Variants in RGPD3 observed in about 807,000 individuals in gnomAD.
RGPD3 encodes the protein ranBP2-like and GRIP domain-containing protein 3.
A neutral mutation model predicts 154.5 loss-of-function variants in RGPD3; 62 were observed. The observed-to-expected ratio is 0.40, with a 90% CI of 0.33 to 0.50. The LOEUF is 0.50. RGPD3 is among the 20% of genes least tolerant of loss of function. The pLI is 0.59. For synonymous variants in RGPD3, 308 were observed against 607.0 expected, an observed-to-expected ratio of 0.51 and a Z score of 7.24; for missense variants, 919 against 1,716.8, an observed-to-expected ratio of 0.54 and a Z score of 8.21.
chr2:106,465,532 T>G (rs1290740355), intron 1 of RGPD3, among the ~76,000 whole-genome samples: 1 of 145,354 alleles, frequency 6.9e-6, no homozygotes, highest in Non-Finnish European at 1.5e-5. Context: ...AGGTCCCCAC[T>G]AAGAATCTCA....
chr2:106,466,804 C>G (rs75658450), intron 1 of RGPD3, among the ~76,000 whole-genome samples: 3 of 85,202 alleles, frequency 3.5e-5, no homozygotes, highest in African/African-American at 1.2e-4. Flanking sequence ...AGGGCCGGGT[C>G]GAGGCCGCCG....
At chr2:106,419,155 CTGATTACTTCCTTTGT>C (rs1383920328) in intron 20 of RGPD3, among the ~76,000 whole-genome samples, 3 of 119,388 alleles carry the variant, frequency 2.5e-5, no homozygotes, top group Non-Finnish European at 3.5e-5. Flanking sequence ...TTTGCCCTGG[CTGATTACTTCCTTTGT>C]TGATTCTTTG....
intron 22 of RGPD3, among the ~76,000 whole-genome samples, chr2:106,409,185 C>T (rs1381672965): frequency 2.0e-5 from 3 of 152,076 alleles, no homozygotes; most frequent in African/African-American, 7.2e-5. Context: ...TCCTTCAGTG[C>T]CAGGAAGAGT....
chr2:106,463,991 A>C (rs2104522277), intron 1 of RGPD3, among the ~76,000 whole-genome samples: 1 of 152,310 alleles, frequency 6.6e-6, no homozygotes, highest in East Asian at 1.9e-4. Context: ...TACTGAAAGA[A>C]TGAGGGGCAA....
intron 20 of RGPD3, among the ~76,000 whole-genome samples, chr2:106,421,967 A>C (rs1677004318): frequency 6.6e-6 from 1 of 151,138 alleles, no homozygotes; most frequent in South Asian, 2.1e-4. Context: ...TGCATGTTGT[A>C]GTGGTAAGTA....
In RGPD3 at chr2:106,403,571, A is replaced by G. The variant is rs1359275850; in HGVS notation, c.*1648T>C. 1.3e-5 allele frequency among the ~76,000 whole-genome samples: 2 copies of G among 152,282 alleles called. No individual in the cohort carries two copies. The highest frequency in any genetic ancestry group is 2.9e-5 in the Non-Finnish European group (2 of 68,056). ...ACTATATTTCAAAACAAGTTTATAC[A>G]GACTTCAAAAGGTCTCAAGTCAAAG... On this transcript the variant is annotated 3_prime_UTR_variant, in exon 23 of 23. Transcript: ENST00000409886.
chr2:106,441,756 C>T (rs1292270950), intron 7 of RGPD3, among the ~76,000 whole-genome samples: 45 of 145,656 alleles, frequency 3.1e-4, no homozygotes, highest in South Asian at 1.1e-3. Context: ...TCCAGCTACA[C>T]GGGAGGCTGA....
chr2:106,447,881 G>A, intron 6 of RGPD3, among the ~76,000 whole-genome samples: 1 of 151,878 alleles, frequency 6.6e-6, no homozygotes, highest in South Asian at 2.1e-4. Context: ...ATAAATATAA[G>A]ATCAGTGATT....
rs557271933 is a variant in RGPD3, at chr2:106,463,411, G to A, written c.73-4079C>T. Among the ~76,000 whole-genome samples the A allele has an allele frequency of 2.9e-3, 445 of 152,042 alleles. 1 individual carries two copies. Among genetic ancestry groups the A allele is most frequent in the South Asian group, 0.019 (92 of 4,796 alleles). On this transcript the variant is annotated intron_variant, in intron 1 of 22. Coordinates refer to ENST00000409886, the MANE Select transcript of RGPD3 (RefSeq NM_001144013.2). ...AATCACTTGAACCCGGGAGGCGGAG[G>A]TTGTGGTGAGCTGAGACCATGCCAC... is the stretch of plus-strand genomic sequence containing the variant.
chr2:106,430,230 C>A (rs1017173870), intron 17 of RGPD3, among the ~76,000 whole-genome samples: 4 of 151,498 alleles, frequency 2.6e-5, no homozygotes, highest in Non-Finnish European at 4.4e-5. Context: ...GTTCTAGGTA[C>A]CTGGTGCTGA....
At chr2:106,468,580 C>G (rs373122878), upstream of RGPD3, among the ~76,000 whole-genome samples, 1 of 151,966 alleles carries the variant, frequency 6.6e-6, no homozygotes. Context: ...CTGAGGCGGG[C>G]GGATCACTTG....
In RGPD3 at chr2:106,404,066, A is replaced by G. The variant is rs1185970403; in HGVS notation, c.*1153T>C. ...GTAACACTACCACCTAAGGTTATTCAGAGGAACTGTGAAGATGTAGCACGG... is the reference window on the plus strand; with the variant it reads ...GTAACACTACCACCTAAGGTTATTCGGAGGAACTGTGAAGATGTAGCACGG... On this transcript the variant is annotated 3_prime_UTR_variant, in exon 23 of 23. Transcript: ENST00000409886. 6.5e-3 allele frequency among the ~76,000 whole-genome samples: 979 copies of G among 151,564 alleles called. 4 individuals carry two copies. The highest frequency in any genetic ancestry group is 0.021 in the African/African-American group (858 of 40,894).
chr2:106,425,179 G>C lies in RGPD3; in HGVS notation c.2788C>G (p.Pro930Ala), dbSNP rs1210442424. ...TCACTTTTCTTTTCTTGATTTCCTG[G>C]TTCCGAAATGCCAAATTTAAATCCA... ...ADGFKFGISE[P>A]GNQEKKSEKP... Residue 930 changes from proline to alanine, a missense_variant, in exon 20 of 23, where the codon CCA becomes GCA. Coordinates refer to ENST00000409886, the MANE Select transcript of RGPD3 (RefSeq NM_001144013.2). 3.1e-6 allele frequency: 5 copies of C among 1,611,402 alleles called. No homozygotes were observed. In the African/African-American group the frequency reaches 5.4e-5, roughly 17 times the overall value.
intron 17 of RGPD3, among the ~76,000 whole-genome samples, chr2:106,430,298 C>G (rs985539586): frequency 6.6e-6 from 1 of 150,540 alleles, no homozygotes; most frequent in South Asian, 2.2e-4. Context: ...TTCGTTAATA[C>G]AAAACTTAAT....
At chr2:106,448,277 T>A (rs1306339124) in intron 6 of RGPD3, among the ~76,000 whole-genome samples, 2 of 152,154 alleles carry the variant, frequency 1.3e-5, no homozygotes, top group Non-Finnish European at 2.9e-5. Flanking sequence ...CCCGCTAAAC[T>A]TTTTTTATAT....
chr2:106,438,411 C>T (rs1677641311), intron 9 of RGPD3, among the ~76,000 whole-genome samples: 2 of 150,556 alleles, frequency 1.3e-5, no homozygotes, highest in African/African-American at 2.4e-5. Context: ...TCCCTTGAGC[C>T]CAGAAGTTCA....
intron 11 of RGPD3, 77 bp from the exon 12 acceptor site, chr2:106,436,323 T>C: frequency 6.2e-7 from 1 of 1,610,680 alleles, no homozygotes; most frequent in Non-Finnish European, 8.5e-7. Flanking sequence ...TGTTAATGGG[T>C]CACATGACAA....
chr2:106,461,915 C>T (rs1197779746), intron 1 of RGPD3, among the ~76,000 whole-genome samples: 1 of 152,030 alleles, frequency 6.6e-6, no homozygotes, highest in Admixed American at 6.6e-5. Flanking sequence ...CTTGTTCCCC[C>T]CTTCCTTTTT....
chr2:106,443,685 C>CTT lies in RGPD3; in HGVS notation c.979-2307_979-2306dup, dbSNP rs560481936. ...TCAAATCATCTCAATTCACTATTTC[C>CTT]TTTTTTTTTTTTTTTTTTGAGATGG... On this transcript the variant is annotated intron_variant, in intron 7 of 22. Coordinates refer to ENST00000409886, the MANE Select transcript of RGPD3 (RefSeq NM_001144013.2). 6.7e-4 allele frequency among the ~76,000 whole-genome samples: 56 copies of CTT among 83,350 alleles called. 4 individuals carry two copies. The highest frequency in any genetic ancestry group is 8.6e-4 in the African/African-American group (18 of 20,810). 54.7% of individuals were successfully genotyped at this position (83,350 alleles called of 152,430 possible). A position where few individuals can be genotyped will look rare whatever the true frequency, so the allele number is the denominator to read the frequency against.
Sources: allele counts gnomAD v4.1 joint callset (sites outside exome capture counted in the v4.1 genomes callset), GRCh38; gene constraint gnomAD v4.1.1; transcripts MANE v1.5; gene names NCBI Gene and HGNC (gene_info 2026-07-23, HGNC 2026-07-21).